EHBP1: variants seen among roughly 807,000 people sequenced by gnomAD.
The protein encoded by EHBP1 is EH domain-binding protein 1.
A neutral mutation model predicts 144.0 loss-of-function variants in EHBP1; 55 were observed. The ratio of observed to expected loss-of-function variants is 0.38; its 90% CI spans 0.31 to 0.48. The LOEUF (loss-of-function observed/expected upper bound fraction) is 0.48. Among genes scored for constraint, EHBP1 ranks in the 20% least tolerant of loss-of-function variants. The probability of loss-of-function intolerance (pLI) is 0.98; values close to 1 mark genes in which losing one functional copy is unlikely to be tolerated. For missense variants in EHBP1, 1,200 were observed against 1,364.2 expected, an observed-to-expected ratio of 0.88 and a Z score of 1.90; for synonymous variants, 469 against 472.7, an observed-to-expected ratio of 0.99 and a Z score of 0.10.
chr2:62,800,833 T>G (rs1389018280), intron 5 of EHBP1, among the ~76,000 whole-genome samples: 3 of 152,198 alleles, frequency 2.0e-5, no homozygotes, highest in Non-Finnish European at 4.4e-5. Flanking sequence ...CACTTTCATT[T>G]TGGGCATACC....
chr2:62,824,129 G>A (rs1016935987), intron 5 of EHBP1, among the ~76,000 whole-genome samples: 8 of 151,844 alleles, frequency 5.3e-5, no homozygotes, highest in Non-Finnish European at 1.0e-4. Context: ...AAATGAAATT[G>A]GCAGAATATG....
chr2:62,920,212 G>A (rs953926176), intron 10 of EHBP1, among the ~76,000 whole-genome samples: 1 of 152,104 alleles, frequency 6.6e-6, no homozygotes, highest in Admixed American at 6.5e-5. Flanking sequence ...ATGACAAAGA[G>A]AATTTTGAAA....
intron 12 of EHBP1, 132 bp downstream of exon 12, chr2:62,943,982 C>CCT: frequency 1.8e-6 from 1 of 567,434 alleles, no homozygotes; most frequent in Non-Finnish European, 3.1e-6. Context: ...CTGCTTACTG[C>CCT]GGTTCATTAG....
chr2:62,827,736 C>T lies in EHBP1; in HGVS notation c.494+1468C>T, dbSNP rs372078062. On this transcript the variant is annotated intron_variant, in intron 6 of 22. Coordinates refer to ENST00000431489, the MANE Select transcript of EHBP1 (RefSeq NM_001142616.3). ...AGGCTGGAGTGCAGTGGCACGATCT[C>T]GGCTCACTGCAACCTCCACCTCCTG... 7.6e-4 allele frequency among the ~76,000 whole-genome samples: 115 copies of T among 151,816 alleles called. No individual in the cohort carries two copies. In the Middle Eastern group the frequency reaches 0.01, roughly 13 times the overall value.
chr2:62,929,270 A>G (rs2055786637), intron 10 of EHBP1, among the ~76,000 whole-genome samples: 1 of 152,222 alleles, frequency 6.6e-6, no homozygotes, highest in Non-Finnish European at 1.5e-5. Flanking sequence ...CCAGACAAAC[A>G]CTACAAGAAA....
At chr2:62,982,655 G>A (rs1273225927) in intron 15 of EHBP1, among the ~76,000 whole-genome samples, 1 of 152,150 alleles carries the variant, frequency 6.6e-6, no homozygotes, top group African/African-American at 2.4e-5. Flanking sequence ...GAGAACTAGG[G>A]TAGGAAGATT....
intron 9 of EHBP1, among the ~76,000 whole-genome samples, chr2:62,868,030 G>A (rs956654322): frequency 6.6e-6 from 1 of 152,004 alleles, no homozygotes; most frequent in Non-Finnish European, 1.5e-5. Flanking sequence ...ACCTTCCACT[G>A]TATAAAACAT....
Position 62,831,004 on chromosome 2 carries a change from G to A in EHBP1, c.495-15G>A. The A allele has an allele frequency of 6.2e-7, 1 of 1,607,558 alleles. No homozygotes were observed. Among genetic ancestry groups the A allele is most frequent in the Non-Finnish European group, 8.5e-7 (1 of 1,178,118 alleles). On this transcript the variant is annotated splice_polypyrimidine_tract_variant and intron_variant, in intron 6 of 22. Transcript: ENST00000431489. The stretch of plus-strand genomic sequence containing the variant: ...CATTTAGTACAATGTGTTATATTTT[G>A]AATCATTGATGTAGAGATGAAGACA...
At chr2:63,038,876 GA>G (rs1342999659) in intron 21 of EHBP1, 60 bp downstream of exon 21, 6 of 1,485,086 alleles carry the variant, frequency 4.0e-6, no homozygotes, top group Non-Finnish European at 4.7e-6. Flanking sequence ...GAGATTTAAA[GA>G]ATATAATACA....
intron 1 of EHBP1, among the ~76,000 whole-genome samples, chr2:62,693,485 C>T (rs1572875125): frequency 1.3e-5 from 2 of 152,132 alleles, no homozygotes; most frequent in African/African-American, 4.8e-5. Flanking sequence ...GTTATTTTTT[C>T]ACTTAAAATG....
chr2:62,682,331 C>A (rs6758263), intron 1 of EHBP1, among the ~76,000 whole-genome samples: 128,402 of 152,226 alleles, frequency 0.84, 54,418 homozygotes, highest in African/African-American at 0.92. Flanking sequence ...GTGGGAATAG[C>A]TACGATTTAA....
chr2:62,758,442 T>C (rs1558621745), intron 3 of EHBP1, among the ~76,000 whole-genome samples: 1 of 152,214 alleles, frequency 6.6e-6, no homozygotes, highest in Non-Finnish European at 1.5e-5. Flanking sequence ...ATAATTACCC[T>C]GAGTAGTTAA....
rs528221347 is a variant in EHBP1, at chr2:62,805,490, T to C, written c.313-20597T>C. The stretch of plus-strand genomic sequence containing the variant: ...TTTCTTTTTTTTTTTTTTTTTACAG[T>C]GAACCTGCATTACTTGTGTCTGTAT... On this transcript the variant is annotated intron_variant, in intron 5 of 22. Coordinates refer to ENST00000431489, the MANE Select transcript of EHBP1 (RefSeq NM_001142616.3). Among the ~76,000 whole-genome samples the C allele has an allele frequency of 4.1e-4, 61 of 150,090 alleles. No individual in the cohort carries two copies. The East Asian group carries it at 8.5e-3, about 21-fold the overall frequency.
At chr2:62,875,751 A>G (rs549780289) in intron 10 of EHBP1, among the ~76,000 whole-genome samples, 1 of 152,378 alleles carries the variant, frequency 6.6e-6, no homozygotes, top group South Asian at 2.1e-4. Flanking sequence ...AAATGAGACA[A>G]GAGCTGAAAA....
intron 5 of EHBP1, among the ~76,000 whole-genome samples, chr2:62,804,726 C>T (rs1397102018): frequency 2.6e-5 from 4 of 152,104 alleles, no homozygotes; most frequent in Non-Finnish European, 5.9e-5. Context: ...GGTACTGGTC[C>T]GTGGCCTGTT....
chr2:62,875,603 A>G (rs2050832957), intron 10 of EHBP1, among the ~76,000 whole-genome samples: 1 of 152,198 alleles, frequency 6.6e-6, no homozygotes, highest in South Asian at 2.1e-4. Flanking sequence ...CCTCAAAACA[A>G]TCACACTGGC....
intron 10 of EHBP1, among the ~76,000 whole-genome samples, chr2:62,888,821 A>T (rs1259782628): frequency 1.3e-5 from 2 of 152,162 alleles, no homozygotes; most frequent in Non-Finnish European, 2.9e-5. Context: ...ATTTGAATAG[A>T]TTCACACAAA....
At chr2:62,881,667 A>C (rs2051431412) in intron 10 of EHBP1, 1 of 152,166 alleles carries the variant, frequency 6.6e-6, no homozygotes, top group South Asian at 2.1e-4. Context: ...TCAAGGTATA[A>C]TTTTGGCTTG....
At chr2:62,780,451 G>T (rs2152411013) in intron 5 of EHBP1, among the ~76,000 whole-genome samples, 1 of 152,182 alleles carries the variant, frequency 6.6e-6, no homozygotes, top group East Asian at 1.9e-4. Flanking sequence ...GCATTTCAGA[G>T]AAATTTCATA....
Sources: allele counts gnomAD v4.1 joint callset (sites outside exome capture counted in the v4.1 genomes callset), GRCh38; gene constraint gnomAD v4.1.1; transcripts MANE v1.5; gene names NCBI Gene and HGNC (gene_info 2026-07-23, HGNC 2026-07-21).